The following MAP2 variants were observed in gnomAD, a reference collection of about 807,000 sequenced individuals.
The protein encoded by MAP2 is microtubule-associated protein 2.
A neutral mutation model predicts 137.6 loss-of-function variants in MAP2; 14 were observed. That is an observed-to-expected ratio of 0.10 (90% CI 0.07 to 0.16). The LOEUF is 0.16. MAP2 is among the 10% of genes least tolerant of loss of function. The probability of loss-of-function intolerance (pLI) is 1.00; values close to 1 mark genes in which losing one functional copy is unlikely to be tolerated. For missense variants in MAP2, 2,088 were observed against 2,191.5 expected (o/e 0.95, Z 0.94); for synonymous variants, 786 against 782.3 (o/e 1.00, Z -0.08).
At chr2:209,593,213 T>A (rs768963467) in intron 3 of MAP2, among the ~76,000 whole-genome samples, 2 of 152,132 alleles carry the variant, frequency 1.3e-5, no homozygotes, top group African/African-American at 2.4e-5. Flanking sequence ...AGAAAAATAC[T>A]TGTAAGTTCT....
At chr2:209,704,526 C>T (rs150459602) in intron 11 of MAP2, 396 of 1,612,556 alleles carry the variant, frequency 2.5e-4, no homozygotes, top group Non-Finnish European at 3.1e-4. Flanking sequence ...TGCCCTAGCA[C>T]GACTAAAAGG....
At chr2:209,528,859 T>C (rs2064595203) in intron 2 of MAP2, among the ~76,000 whole-genome samples, 1 of 149,386 alleles carries the variant, frequency 6.7e-6, no homozygotes, top group South Asian at 2.1e-4. Context: ...TGTGTGTGTA[T>C]ATGTGTGTGT....
intron 14 of MAP2, among the ~76,000 whole-genome samples, chr2:209,726,636 T>C (rs551603253): frequency 1.3e-5 from 2 of 152,288 alleles, no homozygotes; most frequent in South Asian, 4.1e-4. Flanking sequence ...TGGTGGTACA[T>C]GCTTGTAGTC....
In MAP2 at chr2:209,694,786, C is replaced by T; in HGVS notation, c.2616C>T (p.Phe872=). ...SQLEDLGYCV[F]NKYTVPLPSP... ...TCGAAGACCTGGGCTACTGTGTGTT[C>T]AATAAGTACACAGTCCCATTGCCAT... is the stretch of plus-strand genomic sequence containing the variant. Residue 872 remains phenylalanine, a synonymous_variant, in exon 8 of 16, where the codon TTC becomes TTT. Transcript: ENST00000682079. 6.2e-7 allele frequency: 1 copy of T among 1,614,134 alleles called. No individual in the cohort carries two copies. The highest frequency in any genetic ancestry group is 1.3e-5 in the African/African-American group (1 of 75,042).
At chr2:209,476,302 T>C (rs373513330) in intron 1 of MAP2, among the ~76,000 whole-genome samples, 1 of 152,050 alleles carries the variant, frequency 6.6e-6, no homozygotes, top group East Asian at 1.9e-4. Flanking sequence ...GAATTAAACA[T>C]CTCAGTAAAC....
chr2:209,655,779 TC>T (rs903563029), intron 5 of MAP2, among the ~76,000 whole-genome samples: 8 of 152,184 alleles, frequency 5.3e-5, no homozygotes, highest in South Asian at 2.1e-4. Flanking sequence ...ATTACATTTT[TC>T]CCTATAAAGG....
intron 7 of MAP2, 122 bp from the exon 8 acceptor site, chr2:209,692,503 G>T (rs2059199347): frequency 9.5e-7 from 1 of 1,048,196 alleles, no homozygotes; most frequent in South Asian, 1.7e-5. Context: ...TAGCATGCTT[G>T]CATGTTCCAT....
chr2:209,576,723 G>C (rs554347048), intron 2 of MAP2, among the ~76,000 whole-genome samples: 3 of 152,268 alleles, frequency 2.0e-5, no homozygotes, highest in African/African-American at 7.2e-5. Context: ...CAGAAGAAGG[G>C]TAAGGCAAGC....
chr2:209,431,028 T>C (rs1386074209), intron 1 of MAP2, among the ~76,000 whole-genome samples: 1 of 152,204 alleles, frequency 6.6e-6, no homozygotes, highest in Non-Finnish European at 1.5e-5. Flanking sequence ...TAAGTTCTTA[T>C]AGCTTTAAAA....
chr2:209,716,396 T>C (rs906998988), intron 13 of MAP2, among the ~76,000 whole-genome samples: 1 of 152,262 alleles, frequency 6.6e-6, no homozygotes, highest in African/African-American at 2.4e-5. Context: ...ACAGTTATTA[T>C]CCAAAGAAAC....
At chr2:209,469,362 C>T (rs183649411) in intron 1 of MAP2, among the ~76,000 whole-genome samples, 17 of 152,252 alleles carry the variant, frequency 1.1e-4, no homozygotes, top group Admixed American at 5.9e-4. Context: ...CCGTGCCTTC[C>T]GCTGAGTCTT....
intron 1 of MAP2, among the ~76,000 whole-genome samples, chr2:209,507,257 A>G (rs1289417428): frequency 2.0e-5 from 3 of 152,192 alleles, no homozygotes; most frequent in Admixed American, 6.5e-5. Context: ...GAGCAATGGT[A>G]GTATATTAAG....
At chr2:209,517,761 G>A (rs2062718762) in intron 2 of MAP2, among the ~76,000 whole-genome samples, 1 of 152,004 alleles carries the variant, frequency 6.6e-6, no homozygotes, top group Non-Finnish European at 1.5e-5. Context: ...ACTTTATGGA[G>A]TGGAAGGGCA....
chr2:209,532,441 A>G (rs537763942), intron 2 of MAP2, among the ~76,000 whole-genome samples: 18 of 152,230 alleles, frequency 1.2e-4, no homozygotes, highest in Admixed American at 2.6e-4. Context: ...AGTTCCAAAA[A>G]CTAGGTAATA....
intron 2 of MAP2, among the ~76,000 whole-genome samples, chr2:209,566,108 C>G (rs2073356593): frequency 6.6e-6 from 1 of 152,184 alleles, no homozygotes; most frequent in Non-Finnish European, 1.5e-5. Flanking sequence ...TTCACTCTTT[C>G]CAAGATAATC....
At chr2:209,620,057 A>C (rs1037176248) in intron 3 of MAP2, among the ~76,000 whole-genome samples, 2 of 152,188 alleles carry the variant, frequency 1.3e-5, no homozygotes, top group Non-Finnish European at 2.9e-5. Context: ...CTGTCACTGC[A>C]TGAGAGAGAA....
chr2:209,672,237 G>A (rs1263771224), intron 5 of MAP2, among the ~76,000 whole-genome samples: 5 of 151,780 alleles, frequency 3.3e-5, no homozygotes, highest in African/African-American at 1.2e-4. Flanking sequence ...TAAGTGGCAG[G>A]AGCCTGATGT....
chr2:209,569,509 G>T (rs994036036), intron 2 of MAP2, among the ~76,000 whole-genome samples: 9 of 151,778 alleles, frequency 5.9e-5, no homozygotes, highest in African/African-American at 2.2e-4. Context: ...TTAATTATGT[G>T]GCACATTAGA....
chr2:209,438,342 G>A (rs1403978057), intron 1 of MAP2, among the ~76,000 whole-genome samples: 1 of 151,386 alleles, frequency 6.6e-6, no homozygotes, highest in Non-Finnish European at 1.5e-5. Flanking sequence ...ATTGCTTAGG[G>A]TTCCTGTATT....
Sources: gnomAD v4.1 joint callset for allele counts (sites outside exome capture counted in the v4.1 genomes callset) on GRCh38, gnomAD v4.1.1 for gene constraint, MANE v1.5 for transcripts, NCBI Gene and HGNC (gene_info 2026-07-23, HGNC 2026-07-21) for gene names.